The following PARPBP variants were observed in gnomAD, a reference collection of about 807,000 sequenced individuals.
The protein encoded by PARPBP is PARP1 binding protein, also known as PCNA-interacting partner.
PARPBP carries 52 observed loss-of-function variants against 50.0 expected under a neutral mutation model. The ratio of observed to expected loss-of-function variants is 1.04; its 90% confidence interval spans 0.83 to 1.31. The LOEUF is 1.31. Ranked by LOEUF, PARPBP falls within the 50% of genes most tolerant of loss-of-function variation. The pLI, the probability that PARPBP is intolerant of heterozygous loss-of-function variation, is 0.00. For synonymous variants in PARPBP, 244 were observed against 232.1 expected (o/e 1.05, Z -0.47); for missense variants, 697 against 672.0 (o/e 1.04, Z -0.41).
intron 7 of PARPBP, among the ~76,000 whole-genome samples, chr12:102,175,992 T>A (rs969451594): frequency 5.5e-4 from 84 of 152,044 alleles, no homozygotes; most frequent in Non-Finnish European, 6.6e-4. Flanking sequence ...ATTCTTTTTT[T>A]TTTTTTTGAG....
At chr12:102,195,192 G>C in intron 9 of PARPBP, 120 bp from the exon 10 acceptor site, 1 of 547,202 alleles carries the variant, frequency 1.8e-6, no homozygotes, top group East Asian at 3.2e-5. Flanking sequence ...TTCTCAATGA[G>C]TAATAGAATT....
At chr12:102,155,603 G>C (rs951568746) in intron 4 of PARPBP, among the ~76,000 whole-genome samples, 6 of 119,408 alleles carry the variant, frequency 5.0e-5, no homozygotes, top group East Asian at 3.2e-4. Flanking sequence ...GTGGGGGGGG[G>C]GGGCGGGGAC....
intron 4 of PARPBP, among the ~76,000 whole-genome samples, chr12:102,160,014 G>A (rs1473131604): frequency 6.6e-6 from 1 of 152,084 alleles, no homozygotes; most frequent in Non-Finnish European, 1.5e-5. Context: ...CCTTATTTTT[G>A]GTGTTTTGGT....
chr12:102,181,837 A>G (rs1047994366), intron 8 of PARPBP, among the ~76,000 whole-genome samples: 4 of 152,132 alleles, frequency 2.6e-5, no homozygotes, highest in African/African-American at 4.8e-5. Context: ...AGATCAAGGC[A>G]CCAGCAGATT....
intron 7 of PARPBP, among the ~76,000 whole-genome samples, chr12:102,177,301 T>G (rs1362824296): frequency 1.3e-5 from 2 of 152,184 alleles, no homozygotes; most frequent in Admixed American, 1.3e-4. Flanking sequence ...AAGATGTAGC[T>G]TTGATATCTA....
intron 2 of PARPBP, among the ~76,000 whole-genome samples, chr12:102,128,888 T>G (rs1882421546): frequency 6.6e-6 from 1 of 152,166 alleles, no homozygotes; most frequent in African/African-American, 2.4e-5. Context: ...TTTGAGAAAC[T>G]TTCATACTGT....
rs1448718107 is a variant in PARPBP, at chr12:102,196,217, A to C, written c.1666A>C (p.Lys556Gln). The C allele has an allele frequency of 1.9e-6, 3 of 1,610,892 alleles. No homozygotes were observed. The highest frequency in any genetic ancestry group is 1.7e-6 in the Non-Finnish European group (2 of 1,178,470). The change falls in exon 11 of 11, where the codon AAA (lysine) becomes CAA (glutamine). Residue 556 changes from lysine (K) to glutamine (Q), a missense_variant. Transcript: ENST00000327680. ...RLYGKLAKVA[K>Q]SNKCTAKDKL... The stretch of plus-strand genomic sequence containing the variant: ...GTACGGCAAACTAGCTAAAGTAGCA[A>C]AAAGTAATAAATGTACTGCCAAGGA...
At chr12:102,142,894 C>T (rs549522417) in intron 2 of PARPBP, among the ~76,000 whole-genome samples, 37 of 152,334 alleles carry the variant, frequency 2.4e-4, no homozygotes, top group African/African-American at 8.4e-4. Flanking sequence ...AGGTGTCAGT[C>T]GGCCCCTACT....
intron 9 of PARPBP, among the ~76,000 whole-genome samples, chr12:102,183,181 G>T (rs1400451736): frequency 6.6e-6 from 1 of 151,884 alleles, no homozygotes; most frequent in Non-Finnish European, 1.5e-5. Flanking sequence ...ATTTTTATTG[G>T]CCTTATTTTT....
chr12:102,164,659 A>C (rs560011420), intron 5 of PARPBP, 51 bp downstream of exon 5: 1 of 1,435,880 alleles, frequency 7.0e-7, no homozygotes, highest in Non-Finnish European at 9.8e-7. Flanking sequence ...CAGTGGATCC[A>C]TGTATCCTAA....
intron 2 of PARPBP, among the ~76,000 whole-genome samples, chr12:102,131,110 A>G (rs1254134759): frequency 6.6e-6 from 1 of 152,174 alleles, no homozygotes; most frequent in Non-Finnish European, 1.5e-5. Flanking sequence ...GGATCACTTG[A>G]GGTCAGGATT....
intron 2 of PARPBP, among the ~76,000 whole-genome samples, chr12:102,140,471 GTC>G (rs1234325791): frequency 1.7e-4 from 26 of 152,182 alleles, no homozygotes; most frequent in African/African-American, 6.0e-4. Context: ...GGTTTTTTGT[GTC>G]TCTATTTCCT....
At chr12:102,153,164 A>G (rs1565875674) in intron 3 of PARPBP, among the ~76,000 whole-genome samples, 1 of 152,158 alleles carries the variant, frequency 6.6e-6, no homozygotes, top group Non-Finnish European at 1.5e-5. Flanking sequence ...GAAGCAATTC[A>G]GCATGCAGGA....
Position 102,196,007 on chromosome 12 carries a change from C to A in PARPBP, c.1456C>A (p.His486Asn), listed in dbSNP as rs754461770. ...AATTGGAACGAGTTTTGGAAATGTT[C>A]ATCTGGACAGAAGTAAAAATGAAAA... ...STIGTSFGNV[H>N]LDRSKNEKVS... Residue 486 changes from histidine to asparagine, a missense_variant, in exon 11 of 11, where the codon CAT becomes AAT. Transcript: ENST00000327680. The A allele has an allele frequency of 1.9e-6, 3 of 1,609,806 alleles. No homozygotes were observed.
At chr12:102,195,104 T>A (rs979374862) in intron 9 of PARPBP, among the ~76,000 whole-genome samples, 24 of 151,656 alleles carry the variant, frequency 1.6e-4, no homozygotes, top group Non-Finnish European at 3.0e-5. Flanking sequence ...AAAGCTATTA[T>A]TTTGGAAAAG....
intron 3 of PARPBP, among the ~76,000 whole-genome samples, chr12:102,149,501 T>A (rs1208185988): frequency 6.6e-6 from 1 of 152,214 alleles, no homozygotes; most frequent in African/African-American, 2.4e-5. Flanking sequence ...TTGGTATTCC[T>A]TGTACCAAGA....
In PARPBP at chr12:102,148,365, G is replaced by A. The variant is rs146858211; in HGVS notation, c.289G>A (p.Asp97Asn). ...TGAGGACGTTAGGAAGATTTATGAT[G>A]ATTTCTTGAAGAACAGTAATATGTT... The part of the protein sequence containing the change: ...HYEDVRKIYD[D>N]FLKNSNMLDL... The change falls in exon 3 of 11, where the codon GAT (aspartate) becomes AAT (asparagine). Residue 97 changes from aspartate to asparagine, a missense_variant. Coordinates refer to ENST00000327680, the MANE Select transcript of PARPBP (RefSeq NM_017915.5). 5.0e-6 allele frequency: 8 copies of A among 1,589,272 alleles called. No homozygotes were observed. The highest frequency in any genetic ancestry group is 6.9e-6 in the Non-Finnish European group (8 of 1,157,840).
At chr12:102,129,186 A>G (rs1457981813) in intron 2 of PARPBP, among the ~76,000 whole-genome samples, 2 of 152,134 alleles carry the variant, frequency 1.3e-5, no homozygotes, top group Non-Finnish European at 2.9e-5. Flanking sequence ...CAGAGTCTCA[A>G]TATGTTGCCC....
Position 102,195,387 on chromosome 12 carries a change from A to G in PARPBP, c.1339A>G (p.Asn447Asp), listed in dbSNP as rs1891202353. 2 of 1,589,498 alleles carry G rather than the reference A, an allele frequency of 1.3e-6. No individual in the cohort carries two copies. The highest frequency in any genetic ancestry group is 1.7e-6 in the Non-Finnish European group (2 of 1,163,048). ...DDYMISKDNW[N>D]NVNLASKPLC... The stretch of plus-strand genomic sequence containing the variant: ...CTACATGATAAGCAAGGATAATTGG[A>G]ATAATGTTAATTTAGCATCAAAGCC... The change falls in exon 10 of 11, where the codon AAT becomes GAT. Residue 447 changes from asparagine to aspartate, a missense_variant. Transcript: ENST00000327680.
Sources: gnomAD v4.1 joint callset for allele counts (sites outside exome capture counted in the v4.1 genomes callset) on GRCh38, gnomAD v4.1.1 for gene constraint, MANE v1.5 for transcripts, NCBI Gene and HGNC (gene_info 2026-07-23, HGNC 2026-07-21) for gene names.